The following TRAP1 variants were observed in gnomAD, a reference collection of about 807,000 sequenced individuals.
The protein encoded by TRAP1 is TNF receptor associated protein 1, also known as heat shock protein 75 kDa, mitochondrial.
A neutral mutation model predicts 89.1 loss-of-function variants in TRAP1; 102 were observed. The observed-to-expected ratio is 1.15, with a 90% CI of 0.98 to 1.35. The LOEUF is 1.35. Among genes scored for constraint, TRAP1 ranks in the 40% most tolerant of loss-of-function variants. The probability of loss-of-function intolerance (pLI) is 0.00; values close to 1 mark genes in which losing one functional copy is unlikely to be tolerated. For synonymous variants in TRAP1, 508 were observed against 388.0 expected, an observed-to-expected ratio of 1.31 and a Z score of -3.64; for missense variants, 1,256 against 945.3, an observed-to-expected ratio of 1.33 and a Z score of -4.31.
At chr16:3,661,833 G>C (rs2043093604) in intron 16 of TRAP1, 154 bp downstream of exon 16, 2 of 1,001,370 alleles carry the variant, frequency 2.0e-6, no homozygotes, top group South Asian at 4.7e-5. Flanking sequence ...TTTCACATGG[G>C]TGCAGCCTAA....
chr16:3,712,285 C>CAAAAAAAAAAAAAAAAA (rs764259574), intron 1 of TRAP1, among the ~76,000 whole-genome samples: 1 of 32,054 alleles, frequency 3.1e-5, no homozygotes, highest in Admixed American at 5.7e-4. Flanking sequence ...GAATCTGTCT[C>CAAAAAAAAAAAAAAAAA]AAAAAAAAAA....
At chr16:3,706,250 G>A (rs79960099) in intron 1 of TRAP1, among the ~76,000 whole-genome samples, 1 of 152,072 alleles carries the variant, frequency 6.6e-6, no homozygotes, top group Non-Finnish European at 1.5e-5. Flanking sequence ...CACTGCACCA[G>A]GCCCAGCTTC....
At position 3,689,038 on chromosome 16, in the gene TRAP1, G is replaced by A; in HGVS notation, c.330+17C>T. Reference sequence around the variant, plus strand: ...AGAAACTTTGCTAGCATCGGGCATGGTTAGCAGGGAACGCACCTCTTTTTC... The same window carrying A: ...AGAAACTTTGCTAGCATCGGGCATGATTAGCAGGGAACGCACCTCTTTTTC... On this transcript the variant is annotated intron_variant, in intron 3 of 17. Coordinates refer to ENST00000246957, the MANE Select transcript of TRAP1 (RefSeq NM_016292.3). 3.7e-6 allele frequency: 6 copies of A among 1,601,374 alleles called. No homozygotes were observed. The highest frequency in any genetic ancestry group is 5.1e-6 in the Non-Finnish European group (6 of 1,174,006).
intron 1 of TRAP1, among the ~76,000 whole-genome samples, chr16:3,713,779 C>T (rs146717407): frequency 6.6e-6 from 1 of 152,322 alleles, no homozygotes; most frequent in South Asian, 2.1e-4. Context: ...CTTTAGGAGG[C>T]GGCCTCATCC....
chr16:3,674,594 G>C, intron 8 of TRAP1, 100 bp from the exon 9 acceptor site: 1 of 1,440,954 alleles, frequency 6.9e-7, no homozygotes. Flanking sequence ...CCCTGGACAG[G>C]CTCCTGGGAC....
At chr16:3,709,818 T>G (rs987322813) in intron 1 of TRAP1, among the ~76,000 whole-genome samples, 2 of 152,054 alleles carry the variant, frequency 1.3e-5, no homozygotes, top group Non-Finnish European at 2.9e-5. Context: ...GCCCGGCTAG[T>G]TTTGTATTTT....
At position 3,677,451 on chromosome 16, in the gene TRAP1, C is replaced by G. The variant is rs201406915; in HGVS notation, c.704+47G>C. The G allele has an allele frequency of 3.1e-6, 5 of 1,613,040 alleles. No individual in the cohort carries two copies. In the East Asian group the frequency reaches 1.1e-4, roughly 36 times the overall value. The stretch of plus-strand genomic sequence containing the variant: ...CCCTTTCCAAACTCCATGCTAAGGG[C>G]TCCAGCTCAGCTTTGAGCTGCCTGT... On this transcript the variant is annotated intron_variant, in intron 6 of 17. Transcript: ENST00000246957.
chr16:3,677,663 G>A lies in TRAP1; in HGVS notation c.544-5C>T. On this transcript the variant is annotated splice_polypyrimidine_tract_variant and splice_region_variant and intron_variant, in intron 5 of 17. Transcript: ENST00000246957. ...CTGCAGAGCATCCAGGAAGGCCTGTGGGGCAGAGGCCAGTTAGTGAGGCAG... is the reference window on the plus strand; with the variant it reads ...CTGCAGAGCATCCAGGAAGGCCTGTAGGGCAGAGGCCAGTTAGTGAGGCAG... The A allele has an allele frequency of 6.2e-7, 1 of 1,612,588 alleles. No individual in the cohort carries two copies. The highest frequency in any genetic ancestry group is 8.5e-7 in the Non-Finnish European group (1 of 1,179,588).
At chr16:3,699,891 T>C (rs934327748) in intron 1 of TRAP1, among the ~76,000 whole-genome samples, 8 of 151,152 alleles carry the variant, frequency 5.3e-5, no homozygotes, top group Non-Finnish European at 4.4e-5. Flanking sequence ...ACCAGGCTGG[T>C]CTTAAGCTCC....
intron 1 of TRAP1, among the ~76,000 whole-genome samples, chr16:3,709,190 GC>G (rs2051492458): frequency 7.4e-6 from 1 of 134,396 alleles, no homozygotes; most frequent in Admixed American, 8.4e-5. Context: ...TCACGCCACT[GC>G]ACTCCAGCCT....
In TRAP1 at chr16:3,689,056, T is replaced by A. The variant is rs746031908; in HGVS notation, c.329A>T (p.Glu110Val). 1.2e-6 allele frequency: 2 copies of A among 1,611,050 alleles called. No individual in the cohort carries two copies. The highest frequency in any genetic ancestry group is 8.5e-7 in the Non-Finnish European group (1 of 1,178,566). The part of the protein sequence containing the change: ...IVARSLYSEK[E>V]VFIRELISNA... ...GGGCATGGTTAGCAGGGAACGCACCTCTTTTTCTGAGTACAGGGACCGGGC... is the reference window on the plus strand; with the variant it reads ...GGGCATGGTTAGCAGGGAACGCACCACTTTTTCTGAGTACAGGGACCGGGC... The change falls in exon 3 of 18, where the codon GAG becomes GTG. Residue 110 changes from glutamate (E) to valine (V), a missense_variant and splice_region_variant. Physicochemically the swap from Glu to Val is moderately radical, Grantham distance 121 (BLOSUM62 -2). Coordinates refer to ENST00000246957, the MANE Select transcript of TRAP1 (RefSeq NM_016292.3).
chr16:3,674,744 G>C (rs999166208), intron 8 of TRAP1: 1 of 543,954 alleles, frequency 1.8e-6, no homozygotes. Flanking sequence ...GGGACCTGAG[G>C]GGGCCTGTGG....
chr16:3,711,405 C>G (rs1381963066), intron 1 of TRAP1, among the ~76,000 whole-genome samples: 1 of 152,020 alleles, frequency 6.6e-6, no homozygotes, highest in African/African-American at 2.4e-5. Context: ...TCAAGACCAG[C>G]CTGGCCAACA....
At position 3,666,180 on chromosome 16, in the gene TRAP1, G is replaced by C. The variant is rs116323659; in HGVS notation, c.1236-62C>G. 7.6e-4 allele frequency: 1,182 copies of C among 1,547,130 alleles called. 13 individuals are homozygous for C. In the African/African-American group the frequency reaches 0.014, roughly 18 times the overall value. On this transcript the variant is annotated intron_variant, in intron 11 of 17. Coordinates refer to ENST00000246957, the MANE Select transcript of TRAP1 (RefSeq NM_016292.3). ...CCTCTATGAAATACAAATGGCCAGA[G>C]GGTACGAAAAAATGTTCAGCCCCGC...
At chr16:3,660,446 C>T (rs951610839) in intron 16 of TRAP1, 1 of 152,216 alleles carries the variant, frequency 6.6e-6, no homozygotes, top group Admixed American at 6.5e-5. Flanking sequence ...ACACTCCAGC[C>T]TAGGTGACAG....
rs1257459656 is a variant in TRAP1 at position 3,663,556 on chromosome 16, A to C, written c.1576T>G (p.Phe526Val). ...AMKKKDTEVL[F>V]CFEQFDELTL... ...AGCTCATCAAACTGCTCAAAGCAGA[A>C]GAGAACCTGCAGGTGGCCAAGAGCA... The change falls in exon 14 of 18, where the codon TTC becomes GTC. Residue 526 changes from phenylalanine to valine, a missense_variant. By Grantham distance (50) the Phe-to-Val change is conservative (BLOSUM62 -1). Coordinates refer to ENST00000246957, the MANE Select transcript of TRAP1 (RefSeq NM_016292.3). The C allele has an allele frequency of 1.2e-6, 2 of 1,613,770 alleles. No homozygotes were observed. The highest frequency in any genetic ancestry group is 2.7e-5 in the African/African-American group (2 of 74,924).
At chr16:3,672,564 C>T in intron 10 of TRAP1, 136 bp downstream of exon 10, 3 of 1,373,322 alleles carry the variant, frequency 2.2e-6, no homozygotes, top group Non-Finnish European at 2.9e-6. Context: ...ACGCGACTGA[C>T]ACACAGGCAG....
At chr16:3,692,976 G>C (rs2051236872) in intron 1 of TRAP1, among the ~76,000 whole-genome samples, 1 of 143,860 alleles carries the variant, frequency 7.0e-6, no homozygotes, top group Admixed American at 7.0e-5. Flanking sequence ...GTTTTTTTTT[G>C]AGATGGAGTC....
chr16:3,679,910 G>T (rs2051052763), intron 4 of TRAP1, 120 bp from the exon 5 acceptor site: 3 of 864,466 alleles, frequency 3.5e-6, no homozygotes, highest in Non-Finnish European at 3.8e-6. Context: ...GCCCAGCCAG[G>T]TAGCACCAGA....
Sources: gnomAD v4.1 joint callset for allele counts (sites outside exome capture counted in the v4.1 genomes callset) on GRCh38, gnomAD v4.1.1 for gene constraint, MANE v1.5 for transcripts, NCBI Gene and HGNC (gene_info 2026-07-23, HGNC 2026-07-21) for gene names.